The following HECTD4 variants were observed in gnomAD, a reference collection of about 807,000 sequenced individuals.
HECTD4 encodes probable E3 ubiquitin-protein ligase HECTD4.
In HECTD4, 114 loss-of-function variants were observed where a neutral mutation model predicts 471.5. The observed-to-expected ratio is 0.24, with a 90% confidence interval of 0.21 to 0.28. HECTD4 has a LOEUF of 0.28. Among genes scored for constraint, HECTD4 ranks in the 10% least tolerant of loss-of-function variants. The pLI, the probability that HECTD4 is intolerant of heterozygous loss-of-function variation, is 1.00. For missense variants in HECTD4, 3,866 were observed against 5,651.5 expected (o/e 0.68, Z 10.13); for synonymous variants, 2,012 against 2,256.0 (o/e 0.89, Z 3.07).
intron 1 of HECTD4, among the ~76,000 whole-genome samples, chr12:112,345,811 C>T (rs898041280): frequency 1.3e-5 from 2 of 152,162 alleles, no homozygotes. Context: ...AGGAGAATGG[C>T]GTGAACCCGG....
chr12:112,352,124 G>A (rs2036256224), intron 1 of HECTD4, among the ~76,000 whole-genome samples: 1 of 152,038 alleles, frequency 6.6e-6, no homozygotes. Flanking sequence ...AAATTTTTTT[G>A]AGACAGGGTA....
chr12:112,192,035 A>G (rs1479867995), intron 59 of HECTD4, among the ~76,000 whole-genome samples: 2 of 152,230 alleles, frequency 1.3e-5, no homozygotes, highest in Non-Finnish European at 2.9e-5. Context: ...GAGGACAGGC[A>G]GTGACAGTTT....
At chr12:112,178,735 G>GTCCCA (rs2031554238) in intron 64 of HECTD4, among the ~76,000 whole-genome samples, 196 bp downstream of exon 64, 1 of 152,234 alleles carries the variant, frequency 6.6e-6, no homozygotes, top group African/African-American at 2.4e-5. Context: ...AGGAGGCTGA[G>GTCCCA]GTGGGAGGAT....
intron 8 of HECTD4, among the ~76,000 whole-genome samples, chr12:112,280,067 A>G (rs1384117667): frequency 6.6e-6 from 1 of 151,780 alleles, no homozygotes; most frequent in Non-Finnish European, 1.5e-5. Flanking sequence ...TTTTTTTCCC[A>G]TTTTATATAG....
At chr12:112,298,483 T>A (rs922656424) in intron 7 of HECTD4, among the ~76,000 whole-genome samples, 8 of 148,910 alleles carry the variant, frequency 5.4e-5, no homozygotes, top group Non-Finnish European at 1.2e-4. Context: ...TATATTAATT[T>A]TTTTTTTTTT....
At chr12:112,289,154 C>T (rs2034821390) in intron 7 of HECTD4, among the ~76,000 whole-genome samples, 1 of 152,066 alleles carries the variant, frequency 6.6e-6, no homozygotes, top group Non-Finnish European at 1.5e-5. Context: ...AGCTGGAGTG[C>T]AGTGGCACGA....
intron 69 of HECTD4, 28 bp from the exon 70 acceptor site, chr12:112,169,686 C>T (rs745736486): frequency 6.2e-7 from 1 of 1,611,088 alleles, no homozygotes; most frequent in South Asian, 1.1e-5. Flanking sequence ...CTGATCAAAG[C>T]ACCCCGCCGT....
At chr12:112,265,421 T>A in intron 15 of HECTD4, 126 bp from the exon 16 acceptor site, 1 of 617,874 alleles carries the variant, frequency 1.6e-6, no homozygotes, top group Non-Finnish European at 2.6e-6. Flanking sequence ...CAAATCACCT[T>A]AGTAATAATG....
At chr12:112,325,403 T>C (rs1336694641) in intron 1 of HECTD4, among the ~76,000 whole-genome samples, 2 of 152,208 alleles carry the variant, frequency 1.3e-5, no homozygotes, top group Admixed American at 1.3e-4. Context: ...AGGGGCCCCT[T>C]ATGAAAACTC....
chr12:112,382,353 C>G lies in HECTD4; in HGVS notation c.-225G>C. ...GCCGCCGCCGCCGCCGCCGCCGCCG[C>G]CGCCGCCCTCAGGAGCAGGATCCGC... is the stretch of plus-strand genomic sequence containing the variant. On this transcript the variant is annotated 5_prime_UTR_variant, in exon 1 of 76. Transcript: ENST00000682272. The G allele has an allele frequency of 2.5e-6, 1 of 405,176 alleles. No homozygotes were observed. The highest frequency in any genetic ancestry group is 4.2e-6 in the Non-Finnish European group (1 of 237,556). The allele number at this position is 405,176 out of a possible 1,614,324, so 25.1% of individuals were successfully genotyped here. A position where few individuals can be genotyped will look rare whatever the true frequency, so the allele number is the denominator to read the frequency against.
At position 112,183,093 on chromosome 12, in the gene HECTD4, C is replaced by A. The variant is rs779802469; in HGVS notation, c.10953G>T (p.Gly3651=). 4 of 1,613,510 alleles carry A rather than the reference C, an allele frequency of 2.5e-6. No homozygotes were observed. Among genetic ancestry groups the A allele is most frequent in the Non-Finnish European group, 3.4e-6 (4 of 1,179,622 alleles). ...ACTTATCATTGAAATAATCTTCTAA[C>A]CCTGGGCTCCCTTGAGTATCAAAGA... ...QSLFDTQGSP[G]LEDYFNDKSI... The change falls in exon 62 of 76, where the codon GGG becomes GGT. Residue 3651 remains glycine, a synonymous_variant. Coordinates refer to ENST00000682272, the MANE Select transcript of HECTD4 (RefSeq NM_001388303.1).
chr12:112,265,892 C>T lies in HECTD4; in HGVS notation c.2484G>A (p.Glu828=), dbSNP rs779077270. Residue 828 remains glutamate, a synonymous_variant, in exon 15 of 76, where the codon GAG becomes GAA. Transcript: ENST00000682272. ...QLQNNRFGSD[E]DDHYRLNDEL... ...ACTGGTGTCACCTGTAATGATCATC[C>T]TCATCACTGCCAAATCGGTTGTTTT... 6.2e-7 allele frequency: 1 copy of T among 1,613,462 alleles called. No individual in the cohort carries two copies. Among genetic ancestry groups the T allele is most frequent in the South Asian group, 1.1e-5 (1 of 91,060 alleles).
chr12:112,176,723 A>G, intron 64 of HECTD4, 21 bp from the exon 65 acceptor site: 1 of 1,527,318 alleles, frequency 6.5e-7, no homozygotes, highest in East Asian at 2.2e-5. Context: ...AAGCACTGGA[A>G]TTAGACTAAT....
At chr12:112,270,715 C>A (rs1593995952) in intron 11 of HECTD4, among the ~76,000 whole-genome samples, 1 of 152,154 alleles carries the variant, frequency 6.6e-6, no homozygotes, top group Non-Finnish European at 1.5e-5. Flanking sequence ...GGGCTGAATG[C>A]TTTACATGGT....
chr12:112,348,888 G>C (rs1283799017), intron 1 of HECTD4, among the ~76,000 whole-genome samples: 2 of 152,036 alleles, frequency 1.3e-5, no homozygotes, highest in Non-Finnish European at 2.9e-5. Flanking sequence ...AAGAGGAGGA[G>C]CAGGTTCAAA....
chr12:112,323,845 C>T (rs1182078355), intron 1 of HECTD4, among the ~76,000 whole-genome samples: 1 of 151,478 alleles, frequency 6.6e-6, no homozygotes, highest in Non-Finnish European at 1.5e-5. Flanking sequence ...GAAAAAAATT[C>T]CAACCAGACT....
At position 112,235,364 on chromosome 12, in the gene HECTD4, T is replaced by C; in HGVS notation, c.5726-98A>G. ...AATGGTTTGGGATTTGGAATCTTTC[T>C]TCCCCCTTCTCTATTCCTGTCCCCG... On this transcript the variant is annotated intron_variant, in intron 36 of 75. Coordinates refer to ENST00000682272, the MANE Select transcript of HECTD4 (RefSeq NM_001388303.1). The surrounding 1 kb of genome is among the most constrained non-coding windows in gnomAD (Gnocchi z 5.0). 6.7e-7 allele frequency: 1 copy of C among 1,491,344 alleles called. No individual in the cohort carries two copies. The highest frequency in any genetic ancestry group is 9.1e-7 in the Non-Finnish European group (1 of 1,104,946). 92.4% of individuals were successfully genotyped at this position (1,491,344 alleles called of 1,614,324 possible).
intron 61 of HECTD4, among the ~76,000 whole-genome samples, chr12:112,183,601 A>G (rs2031751741): frequency 6.6e-6 from 1 of 152,240 alleles, no homozygotes; most frequent in African/African-American, 2.4e-5. Context: ...ATTCTAGGAA[A>G]GAAACCAGCT....
chr12:112,245,059 G>T (rs1445486565), intron 29 of HECTD4, among the ~76,000 whole-genome samples: 2 of 152,186 alleles, frequency 1.3e-5, no homozygotes, highest in Non-Finnish European at 2.9e-5. Context: ...CTGAAGAGCA[G>T]TGCTGCAATC....
Sources: allele counts gnomAD v4.1 joint callset (sites outside exome capture counted in the v4.1 genomes callset), GRCh38; gene constraint gnomAD v4.1.1; non-coding constraint Gnocchi (gnomAD v3.1); transcripts MANE v1.5; gene names NCBI Gene and HGNC (gene_info 2026-07-23, HGNC 2026-07-21).